Variants in ATPSCKMT observed in about 807,000 individuals in gnomAD.
ATPSCKMT encodes ATP synthase c subunit lysine N-methyltransferase.
In ATPSCKMT, 24 loss-of-function variants were observed where a neutral mutation model predicts 24.3. The ratio of observed to expected loss-of-function variants is 0.99; its 90% confidence interval spans 0.71 to 1.39. ATPSCKMT has a LOEUF of 1.39. Among genes scored for constraint, ATPSCKMT ranks in the 40% most tolerant of loss-of-function variants. The probability of loss-of-function intolerance (pLI) is 0.00; values close to 1 mark genes in which losing one functional copy is unlikely to be tolerated. For missense variants in ATPSCKMT, 311 were observed against 298.4 expected, an observed-to-expected ratio of 1.04 and a Z score of -0.31; for synonymous variants, 95 against 110.5, an observed-to-expected ratio of 0.86 and a Z score of 0.88.
chr5:10,242,104 C>T (rs1411226189), intron 1 of ATPSCKMT, among the ~76,000 whole-genome samples: 1 of 151,976 alleles, frequency 6.6e-6, no homozygotes, highest in Non-Finnish European at 1.5e-5. Flanking sequence ...TGGTGGTTGC[C>T]GAAGGTTGGG....
chr5:10,233,920 A>C (rs1039600939), intron 4 of ATPSCKMT, among the ~76,000 whole-genome samples: 1 of 152,242 alleles, frequency 6.6e-6, no homozygotes, highest in Non-Finnish European at 1.5e-5. Flanking sequence ...ATGACCAGGG[A>C]GTGTGCCCTT....
Position 10,249,863 on chromosome 5 carries a change from C to T in ATPSCKMT, c.11G>A (p.Gly4Glu). 1 of 1,557,706 alleles carries T rather than the reference C, an allele frequency of 6.4e-7. No individual in the cohort carries two copies. The highest frequency in any genetic ancestry group is 8.6e-7 in the Non-Finnish European group (1 of 1,157,420). MEG[G>E]GGIPLETLKE... ...CCAAGCCGCTCCAGCCTCACCTCCTCCTCCCTCCATCGCGAGATTTCCAAC... is the reference window on the plus strand; with the variant it reads ...CCAAGCCGCTCCAGCCTCACCTCCTTCTCCCTCCATCGCGAGATTTCCAAC... Residue 4 changes from glycine (G) to glutamate (E), a missense_variant, in exon 1 of 5, where the codon GGA becomes GAA. Physicochemically the swap from Gly to Glu is moderately conservative, Grantham distance 98. Coordinates refer to ENST00000511437, the MANE Select transcript of ATPSCKMT (RefSeq NM_199133.4).
chr5:10,225,537 A>ACT lies in ATPSCKMT; in HGVS notation c.*1903_*1904insAG, dbSNP rs1341597479. On this transcript the variant is annotated 3_prime_UTR_variant, in exon 5 of 5. Coordinates refer to ENST00000511437, the MANE Select transcript of ATPSCKMT (RefSeq NM_199133.4). The stretch of plus-strand genomic sequence containing the variant: ...AAAAGAAAGAGCTTTAATTGGACTT[A>ACT]CAGTTCCATGTGGCTGGAATATCTT... Among the ~76,000 whole-genome samples the ACT allele has an allele frequency of 6.6e-6, 1 of 152,242 alleles. No homozygotes were observed. Among genetic ancestry groups the ACT allele is most frequent in the African/African-American group, 2.4e-5 (1 of 41,466 alleles).
rs1451873978 is a variant in ATPSCKMT at position 10,226,134 on chromosome 5, C to G, written c.*1307G>C. On this transcript the variant is annotated 3_prime_UTR_variant, in exon 5 of 5. Transcript: ENST00000511437. ...ATCACACTGTTTACTTCAGAGAACTCCACACACACTAAGATTCCCTTGCTT... is the reference window on the plus strand; with the variant it reads ...ATCACACTGTTTACTTCAGAGAACTGCACACACACTAAGATTCCCTTGCTT... 6.6e-6 allele frequency among the ~76,000 whole-genome samples: 1 copy of G among 152,194 alleles called. No individual in the cohort carries two copies.
In ATPSCKMT at chr5:10,247,727, G is replaced by C. The variant is rs1744997022; in HGVS notation, c.16+2131C>G. 2.6e-5 allele frequency among the ~76,000 whole-genome samples: 4 copies of C among 152,140 alleles called. No homozygotes were observed. The South Asian group carries it at 8.3e-4, about 32-fold the overall frequency. On this transcript the variant is annotated intron_variant, in intron 1 of 4. Coordinates refer to ENST00000511437, the MANE Select transcript of ATPSCKMT (RefSeq NM_199133.4). ...CTAACGGAACATGTTCAGACTCCCA[G>C]ACTATCCTATATATAAATGGCAAGA... is the stretch of plus-strand genomic sequence containing the variant.
chr5:10,230,761 C>T (rs998148192), intron 4 of ATPSCKMT, among the ~76,000 whole-genome samples: 9 of 152,146 alleles, frequency 5.9e-5, no homozygotes, highest in Admixed American at 5.9e-4. Context: ...CCCGGTTTCA[C>T]TGGGCCGCCA....
intron 4 of ATPSCKMT, among the ~76,000 whole-genome samples, chr5:10,231,537 T>C (rs6868373): frequency 0.93 from 140,618 of 151,770 alleles, 65,303 homozygotes; most frequent in Middle Eastern, 0.99. Flanking sequence ...GCCTGCTTGC[T>C]GCACTGCCCC....
intron 1 of ATPSCKMT, among the ~76,000 whole-genome samples, chr5:10,246,311 G>GT (rs1282620511): frequency 1.3e-5 from 2 of 152,264 alleles, no homozygotes; most frequent in Admixed American, 6.5e-5. Flanking sequence ...GTGCACACCT[G>GT]TAATCCCAGC....
chr5:10,249,845 G>T lies in ATPSCKMT; in HGVS notation c.16+13C>A, dbSNP rs757259178. 7.7e-7 allele frequency: 1 copy of T among 1,299,670 alleles called. No individual in the cohort carries two copies. The allele number at this position is 1,299,670 out of a possible 1,614,324, so 80.5% of individuals were successfully genotyped here. A position where few individuals can be genotyped will look rare whatever the true frequency, so the allele number is the denominator to read the frequency against. Reference sequence around the variant, plus strand: ...CATGCCCCCAGGAACCCGCCAAGCCGCTCCAGCCTCACCTCCTCCTCCCTC... The same window carrying T: ...CATGCCCCCAGGAACCCGCCAAGCCTCTCCAGCCTCACCTCCTCCTCCCTC... On this transcript the variant is annotated intron_variant, in intron 1 of 4. Transcript: ENST00000511437.
rs550345104 is a variant in ATPSCKMT, at chr5:10,227,094, T to C, written c.*347A>G. On this transcript the variant is annotated 3_prime_UTR_variant, in exon 5 of 5. Transcript: ENST00000511437. ...AACAGTTGGTAATATATACTGTCTT[T>C]AAAAATCATTTCTCCTTATCGAGGC... 5 of 262,270 alleles carry C rather than the reference T, an allele frequency of 1.9e-5. No individual in the cohort carries two copies. The South Asian group carries it at 2.3e-4, about 12-fold the overall frequency. The allele number at this position is 262,270 out of a possible 1,614,324, so 16.2% of individuals were successfully genotyped here.
In ATPSCKMT at chr5:10,225,739, T is replaced by C. The variant is rs1743849765; in HGVS notation, c.*1702A>G. 6.6e-6 allele frequency among the ~76,000 whole-genome samples: 1 copy of C among 152,160 alleles called. No homozygotes were observed. Among genetic ancestry groups the C allele is most frequent in the Non-Finnish European group, 1.5e-5 (1 of 68,014 alleles). On this transcript the variant is annotated 3_prime_UTR_variant, in exon 5 of 5. Transcript: ENST00000511437. ...AACACGTGGGAATTCAAGATGAGATTTGGGTAGGGACACAGCCAAACCATA... is the reference window on the plus strand; with the variant it reads ...AACACGTGGGAATTCAAGATGAGATCTGGGTAGGGACACAGCCAAACCATA...
chr5:10,232,228 A>C lies in ATPSCKMT; in HGVS notation c.495+2983T>G, dbSNP rs569684282. 1.6e-4 allele frequency among the ~76,000 whole-genome samples: 24 copies of C among 152,386 alleles called. 1 individual carries two copies. The highest frequency in any genetic ancestry group is 4.6e-4 in the Admixed American group (7 of 15,310). On this transcript the variant is annotated intron_variant, in intron 4 of 4. Coordinates refer to ENST00000511437, the MANE Select transcript of ATPSCKMT (RefSeq NM_199133.4). ...CAAAAAAAAGAAAAAAAAAATTCAT[A>C]ACAGAATTTGTAACTAAAATTGGTC...
At chr5:10,235,185 C>T (rs368952923) in intron 4 of ATPSCKMT, 26 bp downstream of exon 4, 4 of 1,612,602 alleles carry the variant, frequency 2.5e-6, no homozygotes, top group East Asian at 4.5e-5. Flanking sequence ...TAACCCCAAA[C>T]AGAGAGCAGG....
chr5:10,247,922 T>C (rs1204754643), intron 1 of ATPSCKMT, among the ~76,000 whole-genome samples: 12 of 152,194 alleles, frequency 7.9e-5, no homozygotes. Flanking sequence ...ACTTCTAATA[T>C]TGGTTGAAAA....
At chr5:10,239,474 C>CT in intron 1 of ATPSCKMT, 118 bp from the exon 2 acceptor site, 1 of 871,934 alleles carries the variant, frequency 1.1e-6, no homozygotes, top group Non-Finnish European at 1.7e-6. Flanking sequence ...GATAATTTAG[C>CT]TGAATACAAG....
At chr5:10,228,911 T>C (rs1579417676) in intron 4 of ATPSCKMT, among the ~76,000 whole-genome samples, 1 of 152,190 alleles carries the variant, frequency 6.6e-6, no homozygotes, top group African/African-American at 2.4e-5. Flanking sequence ...ACTACAGGCG[T>C]GAGCCACTGC....
intron 1 of ATPSCKMT, among the ~76,000 whole-genome samples, chr5:10,241,966 T>C (rs969183214): frequency 6.6e-5 from 10 of 152,240 alleles, no homozygotes; most frequent in Non-Finnish European, 1.2e-4. Context: ...TCGAAAAATT[T>C]TTTTTAATTT....
At chr5:10,249,726 G>T in intron 1 of ATPSCKMT, 132 bp downstream of exon 1, 3 of 1,378,630 alleles carry the variant, frequency 2.2e-6, no homozygotes, top group African/African-American at 1.5e-5. Context: ...CGAAGGCCAG[G>T]CTGGAGGCCA....
chr5:10,227,477 A>G lies in ATPSCKMT; in HGVS notation c.666T>C (p.Cys222=), dbSNP rs754910348. The change falls in exon 5 of 5, where the codon TGT becomes TGC. Residue 222 remains cysteine, a synonymous_variant. Coordinates refer to ENST00000511437, the MANE Select transcript of ATPSCKMT (RefSeq NM_199133.4). ...STFRGREKRP[C]TSMHFQLPIQ... ...TGGGCAGCTGGAAATGCATCGATGT[A>G]CAGGGCCTCTTTTCACGGCCTCTAA... The G allele has an allele frequency of 2.5e-6, 4 of 1,614,086 alleles. No individual in the cohort carries two copies. The highest frequency in any genetic ancestry group is 2.5e-6 in the Non-Finnish European group (3 of 1,180,048).
Sources: gnomAD v4.1 joint callset for allele counts (sites outside exome capture counted in the v4.1 genomes callset) on GRCh38, gnomAD v4.1.1 for gene constraint, MANE v1.5 for transcripts, NCBI Gene and HGNC (gene_info 2026-07-23, HGNC 2026-07-21) for gene names.